MAPKAPK2: variants seen among roughly 807,000 people sequenced by gnomAD.
The protein encoded by MAPKAPK2 is MAPK activated protein kinase 2.
Under a neutral mutation model 48.8 loss-of-function variants are expected in MAPKAPK2, and 9 were observed. That is an observed-to-expected ratio of 0.18 (90% CI 0.11 to 0.32). MAPKAPK2 has a LOEUF of 0.32. Ranked by LOEUF, MAPKAPK2 falls within the 10% of genes least tolerant of loss-of-function variation. MAPKAPK2 has a pLI of 1.00. For synonymous variants in MAPKAPK2, 202 were observed against 190.6 expected (o/e 1.06, Z -0.49); for missense variants, 331 against 498.3 (o/e 0.66, Z 3.20).
intron 1 of MAPKAPK2, among the ~76,000 whole-genome samples, chr1:206,706,491 T>G (rs572251270): frequency 2.0e-5 from 3 of 152,186 alleles, no homozygotes; most frequent in Non-Finnish European, 2.9e-5. Context: ...GGCTTGTACT[T>G]GCAGACTCCC....
intron 1 of MAPKAPK2, among the ~76,000 whole-genome samples, chr1:206,719,505 C>T (rs1301042397): frequency 6.6e-6 from 1 of 152,218 alleles, no homozygotes; most frequent in Non-Finnish European, 1.5e-5. Context: ...TGTGCACCCA[C>T]GTGAAGGGTC....
At chr1:206,728,656 T>A (rs1673788466) in intron 1 of MAPKAPK2, 54 bp from the exon 2 acceptor site, 1 of 1,581,880 alleles carries the variant, frequency 6.3e-7, no homozygotes. Flanking sequence ...GGCCAGGGGC[T>A]TAGAGCAGGC....
intron 1 of MAPKAPK2, among the ~76,000 whole-genome samples, chr1:206,694,667 A>G (rs1672560784): frequency 6.6e-6 from 1 of 152,220 alleles, no homozygotes; most frequent in Non-Finnish European, 1.5e-5. Flanking sequence ...GCAGAGCTCA[A>G]AGGGTCCTGC....
rs976697265 is a variant in MAPKAPK2 at position 206,723,897 on chromosome 1, C to T, written c.280-4813C>T. On this transcript the variant is annotated intron_variant, in intron 1 of 9. Coordinates refer to ENST00000367103, the MANE Select transcript of MAPKAPK2 (RefSeq NM_032960.4). ...CTGTGGCTTGGGCCCCTGCCCCTGC[C>T]ACAGTTGGCAGGGGGCCTTGCCTGT... Among the ~76,000 whole-genome samples the T allele has an allele frequency of 1.2e-4, 18 of 152,238 alleles. 1 individual carries two copies. The highest frequency in any genetic ancestry group is 4.3e-4 in the African/African-American group (18 of 41,472).
In MAPKAPK2 at chr1:206,704,701, A is replaced by G. The variant is rs1439963300; in HGVS notation, c.279+19193A>G. Among the ~76,000 whole-genome samples, 3 of 152,350 alleles carry G rather than the reference A, an allele frequency of 2.0e-5. No homozygotes were observed. The highest frequency in any genetic ancestry group is 3.9e-4 in the East Asian group (2 of 5,186). ...GTCTAATGGTCCTTCCAGAAGCTTC[A>G]TCATCATTTGAACTGAATAAGTGAA... On this transcript the variant is annotated intron_variant, in intron 1 of 9. Transcript: ENST00000367103. This position sits in a 1 kb window ranked among gnomAD's most constrained non-coding sequence, Gnocchi z 4.3.
chr1:206,695,095 G>A (rs1375213133), intron 1 of MAPKAPK2, among the ~76,000 whole-genome samples: 2 of 152,152 alleles, frequency 1.3e-5, no homozygotes, highest in Admixed American at 6.5e-5. Context: ...GAGGAAGGGT[G>A]GCAGTGCCCC....
Position 206,732,629 on chromosome 1 carries a change from A to G in MAPKAPK2, c.1114A>G (p.Ile372Val), listed in dbSNP as rs1673958384. 3 of 1,614,084 alleles carry G rather than the reference A, an allele frequency of 1.9e-6. No individual in the cohort carries two copies. The Admixed American group carries it at 5.0e-5, about 27-fold the overall frequency. The change falls in exon 10 of 10, where the codon ATA becomes GTA. Residue 372 changes from isoleucine (I) to valine (V), a missense_variant. This residue lies in a region of MAPKAPK2 where 124 missense variants were observed against 194.6 expected (regional missense o/e 0.64). Coordinates refer to ENST00000367103, the MANE Select transcript of MAPKAPK2 (RefSeq NM_032960.4). This position sits in a 1 kb window ranked among gnomAD's most constrained non-coding sequence, Gnocchi z 4.4. ...TMRVDYEQIK[I>V]KKIEDASNPL... ...GCGCGTTGACTACGAGCAGATCAAG[A>G]TAAAAAAGATTGAAGATGCATCCAA...
At position 206,732,958 on chromosome 1, in the gene MAPKAPK2, T is replaced by G. The variant is rs994794635; in HGVS notation, c.*240T>G. ...AGGTGCTCTTGAACCTGTGCTCATT[T>G]TGCAATTTTATCAGTAATTTGACTT... On this transcript the variant is annotated 3_prime_UTR_variant, in exon 10 of 10. Coordinates refer to ENST00000367103, the MANE Select transcript of MAPKAPK2 (RefSeq NM_032960.4). The surrounding 1 kb of genome is among the most constrained non-coding windows in gnomAD (Gnocchi z 4.4). 1.2e-5 allele frequency: 6 copies of G among 483,242 alleles called. No individual in the cohort carries two copies. In the South Asian group the frequency reaches 2.3e-4, roughly 19 times the overall value. The allele number at this position is 483,242 out of a possible 1,614,324, so 29.9% of individuals were successfully genotyped here.
Position 206,729,955 on chromosome 1 carries a change from T to C in MAPKAPK2, c.565-17T>C. Reference sequence around the variant, plus strand: ...AGGTCCAGCAGGGTTGCTATTTTTCTGTCTCTCTTTCTGTAGCCTGAGAAT... The same window carrying C: ...AGGTCCAGCAGGGTTGCTATTTTTCCGTCTCTCTTTCTGTAGCCTGAGAAT... On this transcript the variant is annotated splice_polypyrimidine_tract_variant and intron_variant, in intron 4 of 9. Transcript: ENST00000367103. 37 of 1,614,198 alleles carry C rather than the reference T, an allele frequency of 2.3e-5. No homozygotes were observed. Among genetic ancestry groups the C allele is most frequent in the Non-Finnish European group, 3.1e-5 (37 of 1,180,010 alleles).
In MAPKAPK2 at chr1:206,732,488, C is replaced by G. The variant is rs1460248960; in HGVS notation, c.1060-87C>G. On this transcript the variant is annotated intron_variant, in intron 9 of 9. Coordinates refer to ENST00000367103, the MANE Select transcript of MAPKAPK2 (RefSeq NM_032960.4). This position sits in a 1 kb window ranked among gnomAD's most constrained non-coding sequence, Gnocchi z 4.4. ...GCCGCCCTCACCCTGCCCTTGTTGT[C>G]TCTGTCTCTCACGTCTCTCTTCTGC... 7 of 1,567,984 alleles carry G rather than the reference C, an allele frequency of 4.5e-6. No individual in the cohort carries two copies. The African/African-American group carries it at 8.1e-5, about 18-fold the overall frequency.
At chr1:206,703,445 C>G (rs1402430930) in intron 1 of MAPKAPK2, among the ~76,000 whole-genome samples, 2 of 152,114 alleles carry the variant, frequency 1.3e-5, no homozygotes, top group Admixed American at 1.3e-4. Flanking sequence ...CTTCATATTT[C>G]TTTTCTCTGG....
At chr1:206,729,837 CGTG>C (rs1673842751) in intron 4 of MAPKAPK2, 132 bp from the exon 5 acceptor site, 5 of 1,081,466 alleles carry the variant, frequency 4.6e-6, no homozygotes, top group Non-Finnish European at 6.7e-6. Context: ...TGCCACTCCT[CGTG>C]GTGGGCAGTG....
chr1:206,691,503 A>ATATATATG (rs1672455964), intron 1 of MAPKAPK2, among the ~76,000 whole-genome samples: 1 of 135,478 alleles, frequency 7.4e-6, no homozygotes, highest in South Asian at 2.2e-4. Flanking sequence ...ATATATATAT[A>ATATATATG]TACACACATA....
chr1:206,705,105 G>A (rs1553428380), intron 1 of MAPKAPK2, among the ~76,000 whole-genome samples: 1 of 152,144 alleles, frequency 6.6e-6, no homozygotes, highest in African/African-American at 2.4e-5. Context: ...TTGAGAAATG[G>A]CAACAGCCCC....
At chr1:206,730,191 G>A in intron 5 of MAPKAPK2, 93 bp downstream of exon 5, 2 of 1,503,242 alleles carry the variant, frequency 1.3e-6, no homozygotes, top group East Asian at 2.3e-5. Context: ...AATCCTAGGA[G>A]AGTTGTGTCT....
At chr1:206,730,794 G>T (rs1553432525) in intron 6 of MAPKAPK2, 31 bp downstream of exon 6, 2 of 1,387,438 alleles carry the variant, frequency 1.4e-6, no homozygotes, top group Non-Finnish European at 2.1e-6. Flanking sequence ...GCTGGGTGGG[G>T]CAGGGAGTCA....
At position 206,731,634 on chromosome 1, in the gene MAPKAPK2, C is replaced by G; in HGVS notation, c.893-6C>G. Reference sequence around the variant, plus strand: ...AGCTGTCACTGCCCCCTGTCCCACCCCACAGTGAAGATGCTCATTCGGAAT... The same window carrying G: ...AGCTGTCACTGCCCCCTGTCCCACCGCACAGTGAAGATGCTCATTCGGAAT... On this transcript the variant is annotated splice_polypyrimidine_tract_variant and splice_region_variant and intron_variant, in intron 7 of 9. Transcript: ENST00000367103. This position sits in a 1 kb window ranked among gnomAD's most constrained non-coding sequence, Gnocchi z 5.9. 1 of 1,612,154 alleles carries G rather than the reference C, an allele frequency of 6.2e-7. No individual in the cohort carries two copies. Among genetic ancestry groups the G allele is most frequent in the Non-Finnish European group, 8.5e-7 (1 of 1,178,224 alleles).
intron 1 of MAPKAPK2, among the ~76,000 whole-genome samples, chr1:206,723,901 G>T (rs1673626024): frequency 6.6e-6 from 1 of 152,268 alleles, no homozygotes; most frequent in African/African-American, 2.4e-5. Flanking sequence ...CCCTGCCACA[G>T]TTGGCAGGGG....
chr1:206,722,573 TAGGCTG>T (rs1183953931), intron 1 of MAPKAPK2, among the ~76,000 whole-genome samples: 2 of 152,086 alleles, frequency 1.3e-5, no homozygotes, highest in African/African-American at 4.8e-5. Flanking sequence ...TCACTTTGAG[TAGGCTG>T]AGGAAGAGGA....
Sources: gnomAD v4.1 joint callset for allele counts (sites outside exome capture counted in the v4.1 genomes callset) on GRCh38, gnomAD v4.1.1 for gene constraint, gnomAD v4.1.1 regional missense constraint, Gnocchi (gnomAD v3.1) non-coding constraint, MANE v1.5 for transcripts, NCBI Gene and HGNC (gene_info 2026-07-23, HGNC 2026-07-21) for gene names.